The following EDARADD variants were observed in gnomAD, a reference collection of about 807,000 sequenced individuals.
The protein encoded by EDARADD is EDAR associated via death domain.
EDARADD carries 20 observed loss-of-function variants against 25.6 expected under a neutral mutation model. That is an observed-to-expected ratio of 0.78 (90% confidence interval 0.55 to 1.14). The LOEUF is 1.14. EDARADD is among the 50% of genes most tolerant of loss of function. EDARADD has a pLI of 0.00. For synonymous variants in EDARADD, 86 were observed against 94.4 expected, an observed-to-expected ratio of 0.91 and a Z score of 0.52; for missense variants, 225 against 270.1, an observed-to-expected ratio of 0.83 and a Z score of 1.17.
chr1:236,419,440 G>C (rs115503444), intron 3 of EDARADD, among the ~76,000 whole-genome samples: 2 of 151,930 alleles, frequency 1.3e-5, no homozygotes, highest in Non-Finnish European at 2.9e-5. Context: ...TCAACTTCTC[G>C]TAGTGGGAAA....
chr1:236,358,647 G>A (rs1667010946), intron 3 of EDARADD, among the ~76,000 whole-genome samples: 1 of 152,188 alleles, frequency 6.6e-6, no homozygotes, highest in South Asian at 2.1e-4. Flanking sequence ...TCATTCAGGA[G>A]CAGGTTGTTC....
At chr1:236,389,596 T>C (rs1667396948), upstream of EDARADD, among the ~76,000 whole-genome samples, 1 of 152,216 alleles carries the variant, frequency 6.6e-6, no homozygotes, top group African/African-American at 2.4e-5. Flanking sequence ...GGTAATATTT[T>C]ACTTAAGCTT....
In EDARADD at chr1:236,468,265, A is replaced by T. The variant is rs376772514; in HGVS notation, c.254A>T (p.Asp85Val). 20 of 1,613,994 alleles carry T rather than the reference A, an allele frequency of 1.2e-5. No individual in the cohort carries two copies. Among genetic ancestry groups the T allele is most frequent in the Non-Finnish European group, 1.4e-5 (16 of 1,179,966 alleles). Reference sequence around the variant, plus strand: ...AATGGCTTTCCAGATAGCACTGGAGATCCTCTTCCAGGTAAATGATTGATT... The same window carrying T: ...AATGGCTTTCCAGATAGCACTGGAGTTCCTCTTCCAGGTAAATGATTGATT... ...EENGFPDSTG[D>V]PLPEISKDNS... Residue 85 changes from aspartate to valine, a missense_variant, in exon 5 of 6, where the codon GAT becomes GTT. Transcript: ENST00000334232.
At chr1:236,445,367 A>T (rs1291497376) in intron 4 of EDARADD, among the ~76,000 whole-genome samples, 2 of 152,010 alleles carry the variant, frequency 1.3e-5, no homozygotes, top group Non-Finnish European at 2.9e-5. Context: ...AGCTGGGATT[A>T]CAGGCATGTG....
At chr1:236,389,537 C>T (rs528187174), upstream of EDARADD, among the ~76,000 whole-genome samples, 6 of 152,318 alleles carry the variant, frequency 3.9e-5, no homozygotes, top group South Asian at 1.0e-3. Flanking sequence ...CTTAAATACA[C>T]GCACTGGAAT....
At chr1:236,435,818 T>C (rs1383104710) in intron 4 of EDARADD, among the ~76,000 whole-genome samples, 2 of 152,206 alleles carry the variant, frequency 1.3e-5, no homozygotes, top group Non-Finnish European at 2.9e-5. Flanking sequence ...GTGGGATGTT[T>C]TCCTATAGAA....
In EDARADD at chr1:236,483,836, G is replaced by A. The variant is rs1403912785; in HGVS notation, c.*1187G>A. The A allele has an allele frequency of 7.0e-7, 1 of 1,430,236 alleles. No individual in the cohort carries two copies. Among genetic ancestry groups the A allele is most frequent in the East Asian group, 2.3e-5 (1 of 43,832 alleles). 88.6% of individuals were successfully genotyped at this position (1,430,236 alleles called of 1,614,324 possible). Reference sequence around the variant, plus strand: ...ACATCCTGGAGAATAAAGAAGGCCTGGAGCTGCTGAAGACTGCGATTGGGA... The same window carrying A: ...ACATCCTGGAGAATAAAGAAGGCCTAGAGCTGCTGAAGACTGCGATTGGGA... On this transcript the variant is annotated 3_prime_UTR_variant, in exon 6 of 6. Transcript: ENST00000334232.
chr1:236,437,562 G>A lies in EDARADD; in HGVS notation c.219+10112G>A, dbSNP rs543298848. The stretch of plus-strand genomic sequence containing the variant: ...CCTAGGGATGTAATCCCAAGGGCCT[G>A]GATTTGGGTTGTGGCAGGGAGAAGG... On this transcript the variant is annotated intron_variant, in intron 4 of 5. Coordinates refer to ENST00000334232, the MANE Select transcript of EDARADD (RefSeq NM_145861.4). 8.5e-5 allele frequency among the ~76,000 whole-genome samples: 13 copies of A among 152,172 alleles called. No individual in the cohort carries two copies. The East Asian group carries it at 2.5e-3, about 29-fold the overall frequency.
intron 5 of EDARADD, among the ~76,000 whole-genome samples, chr1:236,477,273 T>C (rs1376643453): frequency 6.6e-6 from 1 of 152,076 alleles, no homozygotes; most frequent in Non-Finnish European, 1.5e-5. Context: ...CTCAGTACTC[T>C]GGGAGGCTGA....
intron 5 of EDARADD, among the ~76,000 whole-genome samples, chr1:236,478,555 C>A (rs1375228118): frequency 2.0e-5 from 3 of 151,576 alleles, no homozygotes; most frequent in African/African-American, 7.3e-5. Context: ...TTCGCAGTAA[C>A]CTGGATGGAC....
intron 2 of EDARADD, among the ~76,000 whole-genome samples, chr1:236,413,656 A>G (rs1467095553): frequency 6.6e-6 from 1 of 152,234 alleles, no homozygotes; most frequent in Non-Finnish European, 1.5e-5. Flanking sequence ...GTATGAATAA[A>G]TGAAAAGAAA....
intron 3 of EDARADD, among the ~76,000 whole-genome samples, chr1:236,365,578 A>G (rs563832174): frequency 1.3e-5 from 2 of 152,256 alleles, no homozygotes; most frequent in Non-Finnish European, 2.9e-5. Flanking sequence ...AAGTGCTGAG[A>G]TTATAGGAAT....
At chr1:236,364,215 G>A (rs1667085741) in intron 3 of EDARADD, among the ~76,000 whole-genome samples, 1 of 152,142 alleles carries the variant, frequency 6.6e-6, no homozygotes, top group Admixed American at 6.6e-5. Flanking sequence ...ATTAACAACA[G>A]TTTTCATTTT....
chr1:236,360,544 T>A (rs113981214), intron 3 of EDARADD, among the ~76,000 whole-genome samples: 1,769 of 84,128 alleles, frequency 0.021, 66 homozygotes, highest in African/African-American at 0.059. Flanking sequence ...ACGGTTTTTT[T>A]TTTTTTTTTT....
At chr1:236,422,622 G>A (rs966634450) in intron 3 of EDARADD, among the ~76,000 whole-genome samples, 1 of 152,214 alleles carries the variant, frequency 6.6e-6, no homozygotes, top group African/African-American at 2.4e-5. Context: ...GCTTCATCGT[G>A]TATGATGGGG....
At chr1:236,391,806 CTGTT>C (rs1667429322), upstream of EDARADD, among the ~76,000 whole-genome samples, 1 of 152,184 alleles carries the variant, frequency 6.6e-6, no homozygotes, top group African/African-American at 2.4e-5. Context: ...TCATTGTCAT[CTGTT>C]TGTGAAAAGA....
At chr1:236,473,802 C>G (rs1304204384) in intron 5 of EDARADD, among the ~76,000 whole-genome samples, 1 of 151,864 alleles carries the variant, frequency 6.6e-6, no homozygotes, top group East Asian at 1.9e-4. Context: ...ATAAGTAAAT[C>G]TAGAACCTAA....
At position 236,397,303 on chromosome 1, in the gene EDARADD, G is replaced by A. The variant is rs149658178; in HGVS notation, c.61+2798G>A. On this transcript the variant is annotated intron_variant, in intron 1 of 5. Transcript: ENST00000334232. ...TGCATACCTATAGTCCCAGCTACTC[G>A]GGGGGCTGAGGCAGGAGGATTGCTT... Among the ~76,000 whole-genome samples the A allele has an allele frequency of 0.022, 3,406 of 152,146 alleles. 232 individuals carry two copies. The East Asian group carries it at 0.28, about 12-fold the overall frequency.
intron 4 of EDARADD, among the ~76,000 whole-genome samples, chr1:236,466,110 C>A (rs1423425211): frequency 6.6e-6 from 1 of 152,164 alleles, no homozygotes; most frequent in Non-Finnish European, 1.5e-5. Flanking sequence ...ACATTTGTAT[C>A]TCTCGACAGT....
Sources: gnomAD v4.1 joint callset for allele counts (sites outside exome capture counted in the v4.1 genomes callset) on GRCh38, gnomAD v4.1.1 for gene constraint, MANE v1.5 for transcripts, NCBI Gene and HGNC (gene_info 2026-07-23, HGNC 2026-07-21) for gene names.